DSCAM: variants seen among roughly 807,000 people sequenced by gnomAD.
The protein encoded by DSCAM is cell adhesion molecule DSCAM.
A neutral mutation model predicts 217.7 loss-of-function variants in DSCAM; 47 were observed. That is an observed-to-expected ratio of 0.22 (90% confidence interval 0.17 to 0.28). DSCAM has a LOEUF of 0.28. DSCAM is among the 10% of genes least tolerant of loss of function. The pLI, the probability that DSCAM is intolerant of heterozygous loss-of-function variation, is 1.00. For missense variants in DSCAM, 2,080 were observed against 2,618.3 expected (o/e 0.79, Z 4.49); for synonymous variants, 1,056 against 1,015.3 (o/e 1.04, Z -0.76).
chr21:40,027,219 G>A (rs2088408796), intron 32 of DSCAM, among the ~76,000 whole-genome samples: 1 of 152,296 alleles, frequency 6.6e-6, no homozygotes, highest in African/African-American at 2.4e-5. Flanking sequence ...CTCTCTTCTG[G>A]CTTGTAGGGT....
intron 1 of DSCAM, among the ~76,000 whole-genome samples, chr21:40,815,370 A>T (rs114677726): frequency 1.0e-3 from 159 of 152,264 alleles, no homozygotes; most frequent in African/African-American, 3.7e-3. Context: ...AATGCCTTAA[A>T]GGCAGGCTGC....
intron 4 of DSCAM, among the ~76,000 whole-genome samples, chr21:40,356,514 G>A (rs747329408): frequency 1.3e-5 from 2 of 152,050 alleles, no homozygotes; most frequent in Non-Finnish European, 2.9e-5. Context: ...AGATGTAACA[G>A]GCGAAAATGT....
chr21:40,809,468 G>A (rs2091818405), intron 1 of DSCAM, among the ~76,000 whole-genome samples: 1 of 151,786 alleles, frequency 6.6e-6, no homozygotes, highest in African/African-American at 2.4e-5. Flanking sequence ...TTAAGAATCA[G>A]AGAATCATAC....
chr21:40,822,920 C>A (rs1037533704), intron 1 of DSCAM, among the ~76,000 whole-genome samples: 1 of 152,156 alleles, frequency 6.6e-6, no homozygotes, highest in Non-Finnish European at 1.5e-5. Context: ...GAGGCCGAGG[C>A]GGGCGGATCA....
chr21:40,687,799 C>A (rs2090497158), intron 3 of DSCAM, among the ~76,000 whole-genome samples: 1 of 152,162 alleles, frequency 6.6e-6, no homozygotes. Flanking sequence ...CTTAACACCC[C>A]AAGAGGGACA....
intron 3 of DSCAM, among the ~76,000 whole-genome samples, chr21:40,646,176 G>A (rs9984713): frequency 6.6e-6 from 1 of 151,928 alleles, no homozygotes; most frequent in South Asian, 2.1e-4. Context: ...TAGCACTTTG[G>A]GAGGCCAAGG....
intron 3 of DSCAM, among the ~76,000 whole-genome samples, chr21:40,450,621 T>C (rs990963750): frequency 6.6e-6 from 1 of 152,204 alleles, no homozygotes; most frequent in Non-Finnish European, 1.5e-5. Flanking sequence ...GAAATAAAAT[T>C]TGCTTGCAAA....
chr21:40,412,540 GC>G (rs1253475692), intron 3 of DSCAM, among the ~76,000 whole-genome samples: 2 of 152,160 alleles, frequency 1.3e-5, no homozygotes, highest in Non-Finnish European at 2.9e-5. Context: ...TTTTGCCCCT[GC>G]CCTAGAGATC....
chr21:40,655,611 T>A lies in DSCAM; in HGVS notation c.508+37199A>T, dbSNP rs376727916. 3.9e-5 allele frequency among the ~76,000 whole-genome samples: 6 copies of A among 152,142 alleles called. No homozygotes were observed. In the East Asian group the frequency reaches 9.7e-4, roughly 25 times the overall value. On this transcript the variant is annotated intron_variant, in intron 3 of 32. Coordinates refer to ENST00000400454, the MANE Select transcript of DSCAM (RefSeq NM_001389.5). ...GTGTGCACCACCATGTCTGGCTAAT[T>A]TTTTTCTTTTTTTTTAATTTTTGTA...
At chr21:40,757,888 C>T (rs1016597777) in intron 1 of DSCAM, among the ~76,000 whole-genome samples, 5 of 152,128 alleles carry the variant, frequency 3.3e-5, no homozygotes, top group African/African-American at 1.2e-4. Context: ...AATCGTGTCC[C>T]CCTAAAAGGT....
chr21:40,053,304 C>T (rs938700012), intron 29 of DSCAM, among the ~76,000 whole-genome samples: 9 of 152,200 alleles, frequency 5.9e-5, no homozygotes, highest in African/African-American at 1.9e-4. Flanking sequence ...CCACAGCAGG[C>T]GCCTGGGCTT....
chr21:40,160,403 A>G (rs2837468), intron 16 of DSCAM, among the ~76,000 whole-genome samples: 38,920 of 152,140 alleles, frequency 0.26, 5,146 homozygotes, highest in East Asian at 0.36. Context: ...TTACTTTAAA[A>G]TGTGATGAAA....
chr21:40,711,017 T>C (rs1048433492), intron 1 of DSCAM, among the ~76,000 whole-genome samples: 30 of 117,680 alleles, frequency 2.5e-4, no homozygotes, highest in East Asian at 1.6e-3. Flanking sequence ...GGGCTGTCAC[T>C]TGACCAAGGA....
At chr21:40,511,003 T>C (rs2076253407) in intron 3 of DSCAM, among the ~76,000 whole-genome samples, 2 of 152,238 alleles carry the variant, frequency 1.3e-5, no homozygotes. Context: ...ATGTTTCTTT[T>C]ATAGTTTAAA....
chr21:40,181,648 CT>C (rs2090802821), intron 14 of DSCAM, among the ~76,000 whole-genome samples: 2 of 151,112 alleles, frequency 1.3e-5, no homozygotes, highest in African/African-American at 2.4e-5. Flanking sequence ...CTGAAAACAC[CT>C]AATAAGACAG....
At chr21:40,050,867 T>C (rs1031386893) in intron 30 of DSCAM, among the ~76,000 whole-genome samples, 10 of 152,182 alleles carry the variant, frequency 6.6e-5, no homozygotes, top group African/African-American at 2.4e-4. Context: ...TGTATTAATG[T>C]GATCAAAGAA....
chr21:40,516,087 A>T (rs2076297132), intron 3 of DSCAM, among the ~76,000 whole-genome samples: 1 of 152,052 alleles, frequency 6.6e-6, no homozygotes, highest in Non-Finnish European at 1.5e-5. Flanking sequence ...TTAAAGGATC[A>T]TTTAATAATT....
chr21:40,502,455 A>G (rs143830869), intron 3 of DSCAM, among the ~76,000 whole-genome samples: 122 of 152,330 alleles, frequency 8.0e-4, no homozygotes, highest in African/African-American at 2.7e-3. Context: ...CCATAAATCC[A>G]AAATGGGTCA....
chr21:40,178,887 C>A, intron 15 of DSCAM, 40 bp downstream of exon 15: 1 of 1,611,084 alleles, frequency 6.2e-7, no homozygotes, highest in Non-Finnish European at 8.5e-7. Flanking sequence ...AGTTAGCTCC[C>A]GGGCTCCTCT....
Sources: gnomAD v4.1 joint callset for allele counts (sites outside exome capture counted in the v4.1 genomes callset) on GRCh38, gnomAD v4.1.1 for gene constraint, MANE v1.5 for transcripts, NCBI Gene and HGNC (gene_info 2026-07-23, HGNC 2026-07-21) for gene names.